Variants in INSR observed in about 807,000 individuals in gnomAD.
INSR encodes the protein insulin receptor.
A neutral mutation model predicts 142.6 loss-of-function variants in INSR; 67 were observed. The observed-to-expected ratio is 0.47, with a 90% CI of 0.39 to 0.58. INSR has a LOEUF of 0.58. INSR is among the 20% of genes least tolerant of loss of function. The pLI, the probability that INSR is intolerant of heterozygous loss-of-function variation, is 0.00. For missense variants in INSR, 1,248 were observed against 1,833.2 expected, an observed-to-expected ratio of 0.68 and a Z score of 5.83; for synonymous variants, 756 against 743.1, an observed-to-expected ratio of 1.02 and a Z score of -0.28.
In INSR at chr19:7,170,606, C is replaced by T. The variant is rs1224661019; in HGVS notation, c.1414G>A (p.Val472Ile). The T allele has an allele frequency of 1.9e-6, 3 of 1,613,792 alleles. No individual in the cohort carries two copies. The highest frequency in any genetic ancestry group is 2.5e-6 in the Non-Finnish European group (3 of 1,179,992). The change falls in exon 6 of 22, where the codon GTT (valine) becomes ATT (isoleucine). Residue 472 changes from valine (V) to isoleucine (I), a missense_variant. Transcript: ENST00000302850. ...TCCTGGCGCCCCTTGGTTCCTGAAA[C>T]TTCTTCCATCTTGTGGATTTCTGAC... ...CLSEIHKMEE[V>I]SGTKGRQERN... is the part of the protein sequence containing the mutation.
At chr19:7,250,866 T>C (rs749174798) in intron 2 of INSR, among the ~76,000 whole-genome samples, 3 of 151,680 alleles carry the variant, frequency 2.0e-5, no homozygotes, top group Non-Finnish European at 4.4e-5. Context: ...AGTCTGGAGC[T>C]CAGAGGGGCA....
intron 2 of INSR, among the ~76,000 whole-genome samples, chr19:7,257,577 A>C (rs1976935017): frequency 6.6e-6 from 1 of 151,556 alleles, no homozygotes; most frequent in Non-Finnish European, 1.5e-5. Context: ...ATGAATTACA[A>C]CTACTGTGGA....
intron 2 of INSR, among the ~76,000 whole-genome samples, chr19:7,264,291 C>T (rs1024738275): frequency 1.5e-4 from 23 of 152,072 alleles, no homozygotes; most frequent in African/African-American, 5.6e-4. Flanking sequence ...CGAGATTGTG[C>T]CACTGTACTC....
At chr19:7,183,771 A>G (rs756941374) in intron 3 of INSR, among the ~76,000 whole-genome samples, 2 of 152,078 alleles carry the variant, frequency 1.3e-5, no homozygotes, top group Non-Finnish European at 2.9e-5. Flanking sequence ...GAGGTCCACA[A>G]TGCCAGACTG....
Position 7,117,182 on chromosome 19 carries a change from C to A in INSR, c.4023G>T (p.Gly1341=). Residue 1341 remains glycine, a synonymous_variant, in exon 22 of 22, where the codon GGG becomes GGT. Transcript: ENST00000302850. ...CCAGCGAGGACCCTCCATCCCGGCC[C>A]CCCGCCTCCTCCCTCTGACAGTGCG... ...RSSHCQREEA[G]GRDGGSSLGF... is the part of the protein sequence containing the mutation. 1 of 1,614,176 alleles carries A rather than the reference C, an allele frequency of 6.2e-7. No individual in the cohort carries two copies. Among genetic ancestry groups the A allele is most frequent in the Non-Finnish European group, 8.5e-7 (1 of 1,180,034 alleles).
chr19:7,288,685 G>A lies in INSR; in HGVS notation c.100+5107C>T, dbSNP rs117065759. On this transcript the variant is annotated intron_variant, in intron 1 of 21. Coordinates refer to ENST00000302850, the MANE Select transcript of INSR (RefSeq NM_000208.4). ...AAAAAAAAAAAAAAAAAAAAGGGCC[G>A]GACACGGTGGCTCATGCCCGTAATC... is the stretch of plus-strand genomic sequence containing the variant. Among the ~76,000 whole-genome samples, 1,438 of 148,206 alleles carry A rather than the reference G, an allele frequency of 9.7e-3. 17 individuals carry two copies. Among genetic ancestry groups the A allele is most frequent in the Non-Finnish European group, 0.013 (899 of 67,260 alleles).
rs10403048 is a variant in INSR at position 7,232,683 on chromosome 19, G to T, written c.652+34662C>A. Reference sequence around the variant, plus strand: ...AAATCAGCCAGGCGTGGTGGCAGGCGCCTGTAGTCCCAGCTACTTGGGAGG... The same window carrying T: ...AAATCAGCCAGGCGTGGTGGCAGGCTCCTGTAGTCCCAGCTACTTGGGAGG... On this transcript the variant is annotated intron_variant, in intron 2 of 21. Coordinates refer to ENST00000302850, the MANE Select transcript of INSR (RefSeq NM_000208.4). Among the ~76,000 whole-genome samples the T allele has an allele frequency of 3.0e-3, 456 of 151,334 alleles. 1 individual carries two copies. Among genetic ancestry groups the T allele is most frequent in the African/African-American group, 0.011 (435 of 41,268 alleles).
intron 2 of INSR, among the ~76,000 whole-genome samples, chr19:7,253,944 G>A (rs1235304594): frequency 3.4e-5 from 5 of 148,582 alleles, no homozygotes; most frequent in African/African-American, 5.0e-5. Context: ...TAGGAGAATC[G>A]CTTGAACCTG....
In INSR at chr19:7,245,656, G is replaced by A. The variant is rs59457906; in HGVS notation, c.652+21689C>T. 3.6e-3 allele frequency among the ~76,000 whole-genome samples: 548 copies of A among 152,032 alleles called. 4 individuals are homozygous for A. Among genetic ancestry groups the A allele is most frequent in the African/African-American group, 0.012 (515 of 41,460 alleles). ...TAGCGGGGTTTCACTGTGTTGGCCA[G>A]GCTGGTCTCGAACTCCTGACTTCAA... On this transcript the variant is annotated intron_variant, in intron 2 of 21. Coordinates refer to ENST00000302850, the MANE Select transcript of INSR (RefSeq NM_000208.4).
chr19:7,149,867 G>A (rs1973282896), intron 11 of INSR, among the ~76,000 whole-genome samples: 2 of 150,578 alleles, frequency 1.3e-5, no homozygotes, highest in Admixed American at 1.3e-4. Context: ...AGGGACGGAC[G>A]GAGGGAGAGA....
intron 20 of INSR, 92 bp downstream of exon 20, chr19:7,120,528 G>A: frequency 6.7e-7 from 1 of 1,497,136 alleles, no homozygotes; most frequent in South Asian, 1.1e-5. Flanking sequence ...GGGCGTCCAG[G>A]AGGATGGCAG....
intron 2 of INSR, among the ~76,000 whole-genome samples, chr19:7,241,177 G>A (rs201336949): frequency 1.5e-5 from 2 of 137,742 alleles, no homozygotes; most frequent in Admixed American, 7.3e-5. Context: ...ATTTTATTTT[G>A]TTTTTTTTTT....
chr19:7,184,586 C>A lies in INSR; in HGVS notation c.704G>T (p.Cys235Phe). The A allele has an allele frequency of 6.2e-7, 1 of 1,613,030 alleles. No homozygotes were observed. Among genetic ancestry groups the A allele is most frequent in the Non-Finnish European group, 8.5e-7 (1 of 1,179,992 alleles). ...SHGCTAEGLC[C>F]HSECLGNCSQ... ...ACAGTTGCCCAGGCACTCGCTGTGGCAACAGAGGCCTTCGGCGGTGCAGCC... is the reference window on the plus strand; with the variant it reads ...ACAGTTGCCCAGGCACTCGCTGTGGAAACAGAGGCCTTCGGCGGTGCAGCC... Residue 235 changes from cysteine to phenylalanine, a missense_variant, in exon 3 of 22, where the codon TGC (cysteine) becomes TTC (phenylalanine). By Grantham distance (205) the Cys-to-Phe change is radical (BLOSUM62 -2). Coordinates refer to ENST00000302850, the MANE Select transcript of INSR (RefSeq NM_000208.4).
intron 2 of INSR, among the ~76,000 whole-genome samples, chr19:7,239,165 A>G (rs560994480): frequency 6.6e-6 from 1 of 152,178 alleles, no homozygotes; most frequent in Non-Finnish European, 1.5e-5. Context: ...TGAGAAAAGC[A>G]AAGCAAAGCA....
At position 7,261,177 on chromosome 19, in the gene INSR, C is replaced by T. The variant is rs58493260; in HGVS notation, c.652+6168G>A. Among the ~76,000 whole-genome samples, 942 of 152,158 alleles carry T rather than the reference C, an allele frequency of 6.2e-3. 7 individuals carry two copies. The highest frequency in any genetic ancestry group is 0.019 in the African/African-American group (808 of 41,512). ...TGCTGGCATTACAAGCATGAGCCAC[C>T]GCGTCCAGCTGGCTGAACTAATGTA... On this transcript the variant is annotated intron_variant, in intron 2 of 21. Coordinates refer to ENST00000302850, the MANE Select transcript of INSR (RefSeq NM_000208.4).
At chr19:7,167,134 C>T (rs1973906093) in intron 7 of INSR, among the ~76,000 whole-genome samples, 1 of 152,038 alleles carries the variant, frequency 6.6e-6, no homozygotes. Context: ...GATTTTGGAG[C>T]ATTATAAATT....
intron 9 of INSR, among the ~76,000 whole-genome samples, chr19:7,158,734 A>G (rs1206309919): frequency 6.6e-6 from 1 of 152,138 alleles, no homozygotes; most frequent in Non-Finnish European, 1.5e-5. Flanking sequence ...GTGCTCTTAA[A>G]CATGGTTATA....
In INSR at chr19:7,129,239, A is replaced by G. The variant is rs78495635; in HGVS notation, c.2843-285T>C. ...CTCATTTCCATCCCTCCCACATCTC[A>G]GGCAGTGGATGCAGGACCCTTTTCT... On this transcript the variant is annotated intron_variant, in intron 14 of 21. Transcript: ENST00000302850. 1.2e-3 allele frequency among the ~76,000 whole-genome samples: 181 copies of G among 152,258 alleles called. 1 individual carries two copies. The highest frequency in any genetic ancestry group is 4.3e-3 in the African/African-American group (178 of 41,548).
rs1199086659 is a variant in INSR, at chr19:7,153,145, C to CAA, written c.2030-219_2030-218insTT. Reference sequence around the variant, plus strand: ...ACACACACACCACACACCACACACACCACACAACACACCACACATACACAC... The same window carrying CAA: ...ACACACACACCACACACCACACACACAACACACAACACACCACACATACACAC... On this transcript the variant is annotated intron_variant, in intron 9 of 21. Coordinates refer to ENST00000302850, the MANE Select transcript of INSR (RefSeq NM_000208.4). Among the ~76,000 whole-genome samples, 21 of 7,574 alleles carry CAA rather than the reference C, an allele frequency of 2.8e-3. 1 individual carries two copies. Among genetic ancestry groups the CAA allele is most frequent in the Non-Finnish European group, 0.012 (19 of 1,644 alleles). 5.0% of individuals were successfully genotyped at this position (7,574 alleles called of 152,430 possible). A position where few individuals can be genotyped will look rare whatever the true frequency, so the allele number is the denominator to read the frequency against.
Sources: allele counts gnomAD v4.1 joint callset (sites outside exome capture counted in the v4.1 genomes callset), GRCh38; gene constraint gnomAD v4.1.1; transcripts MANE v1.5; gene names NCBI Gene and HGNC (gene_info 2026-07-23, HGNC 2026-07-21).